The following SIGLEC7 variants were observed in gnomAD, a reference collection of about 807,000 sequenced individuals.
The protein encoded by SIGLEC7 is sialic acid binding Ig like lectin 7.
In SIGLEC7, 33 loss-of-function variants were observed where a neutral mutation model predicts 40.8. The ratio of observed to expected loss-of-function variants is 0.81; its 90% CI spans 0.61 to 1.08. The LOEUF is 1.08. Ranked by LOEUF, SIGLEC7 falls within the 50% of genes least tolerant of loss-of-function variation. SIGLEC7 has a pLI of 0.00. For missense variants in SIGLEC7, 513 were observed against 576.1 expected (o/e 0.89, Z 1.12); for synonymous variants, 242 against 237.6 (o/e 1.02, Z -0.17).
At chr19:51,148,183 TA>T (rs553491672) in intron 6 of SIGLEC7, among the ~76,000 whole-genome samples, 2 of 152,114 alleles carry the variant, frequency 1.3e-5, no homozygotes, top group East Asian at 3.8e-4. Flanking sequence ...GTGATAGTTT[TA>T]AAAAAAACTC....
intron 6 of SIGLEC7, among the ~76,000 whole-genome samples, chr19:51,151,936 C>A (rs1406307466): frequency 1.3e-5 from 2 of 152,194 alleles, no homozygotes; most frequent in Non-Finnish European, 2.9e-5. Context: ...GAGGACCCTC[C>A]CAGGCAGCCT....
In SIGLEC7 at chr19:51,144,980, TG is replaced by T. The variant is rs774924911; in HGVS notation, c.760+25del. 21 of 1,610,766 alleles carry T rather than the reference TG, an allele frequency of 1.3e-5. No homozygotes were observed. The South Asian group carries it at 2.0e-4, about 15-fold the overall frequency. ...CACAGGTAGGATGGAGCCCCCTCCCTGGGGCTGGGGGAGCAGGGCCTTCAGC... is the reference window on the plus strand; with the variant it reads ...CACAGGTAGGATGGAGCCCCCTCCCTGGGCTGGGGGAGCAGGGCCTTCAGC... On this transcript the variant is annotated intron_variant, in intron 3 of 6. Coordinates refer to ENST00000317643, the MANE Select transcript of SIGLEC7 (RefSeq NM_014385.4).
chr19:51,152,652 G>A (rs990926198), intron 6 of SIGLEC7, among the ~76,000 whole-genome samples: 2 of 152,072 alleles, frequency 1.3e-5, no homozygotes, highest in African/African-American at 4.8e-5. Context: ...AGGAGGTCAG[G>A]GCCAACACCT....
chr19:51,144,178 G>T lies in SIGLEC7; in HGVS notation c.434-228G>T. The T allele has an allele frequency of 9.3e-6, 7 of 754,932 alleles. No homozygotes were observed. The South Asian group carries it at 1.0e-4, about 11-fold the overall frequency. The allele number at this position is 754,932 out of a possible 1,614,324, so 46.8% of individuals were successfully genotyped here. A position where few individuals can be genotyped will look rare whatever the true frequency, so the allele number is the denominator to read the frequency against. On this transcript the variant is annotated intron_variant, in intron 1 of 6. Coordinates refer to ENST00000317643, the MANE Select transcript of SIGLEC7 (RefSeq NM_014385.4). The stretch of plus-strand genomic sequence containing the variant: ...GACAGATAAGATGGAATTACAAAAC[G>T]AAGCAGCTCTCTGTGAATGTGACAG...
intron 2 of SIGLEC7, 82 bp from the exon 3 acceptor site, chr19:51,144,830 C>A: frequency 6.3e-7 from 1 of 1,587,134 alleles, no homozygotes; most frequent in African/African-American, 1.3e-5. Flanking sequence ...TCCGCCTTCC[C>A]CATTTATGCA....
In SIGLEC7 at chr19:51,147,244, C is replaced by A. The variant is rs199869547; in HGVS notation, c.1148C>A (p.Ser383Ter). Residue 383 changes from serine (S) to a stop codon, truncating the protein, a stop_gained, in exon 6 of 7, where the codon TCG (serine) becomes TAG (stop). Transcript: ENST00000317643. LOFTEE classifies it high-confidence loss of function. Reference sequence around the variant, plus strand: ...AGAGTGAGGTCCTGCAGGAAGAAATCGGCAAGGCCAGCAGCGGACGTGGGA... The same window carrying A: ...AGAGTGAGGTCCTGCAGGAAGAAATAGGCAAGGCCAGCAGCGGACGTGGGA... ...FIVVRSCRKK[S>*]ARPAADVGDI... is the part of the protein sequence containing the mutation. The A allele has an allele frequency of 3.1e-6, 5 of 1,612,388 alleles. No homozygotes were observed. The highest frequency in any genetic ancestry group is 1.1e-5 in the South Asian group (1 of 91,046).
At position 51,153,306 on chromosome 19, in the gene SIGLEC7, G is replaced by C. The variant is rs2092157330; in HGVS notation, c.*61G>C. On this transcript the variant is annotated 3_prime_UTR_variant, in exon 7 of 7. Transcript: ENST00000317643. ...CGACCCCTCCAGCAAAGGAGTCTGA[G>C]GCTGATTCCAGTAGAATTAGCAGCC... 2 of 1,320,260 alleles carry C rather than the reference G, an allele frequency of 1.5e-6. No homozygotes were observed. The highest frequency in any genetic ancestry group is 2.0e-6 in the Non-Finnish European group (2 of 983,026). The allele number at this position is 1,320,260 out of a possible 1,614,324, so 81.8% of individuals were successfully genotyped here. A position where few individuals can be genotyped will look rare whatever the true frequency, so the allele number is the denominator to read the frequency against.
chr19:51,142,312 G>A lies in SIGLEC7; in HGVS notation c.-58G>A. On this transcript the variant is annotated 5_prime_UTR_variant, in exon 1 of 7. Transcript: ENST00000317643. This position sits in a 1 kb window ranked among gnomAD's most constrained non-coding sequence, Gnocchi z 5.0. ...TAAGTCTTGAGCCCGCAGTTCCTGA[G>A]AGAAGAACCCTGAGGAACAGACGTT... is the stretch of plus-strand genomic sequence containing the variant. 14 of 1,577,728 alleles carry A rather than the reference G, an allele frequency of 8.9e-6. No individual in the cohort carries two copies. Among genetic ancestry groups the A allele is most frequent in the Non-Finnish European group, 1.2e-5 (14 of 1,161,830 alleles).
At chr19:51,149,644 G>T (rs1044159323) in intron 6 of SIGLEC7, among the ~76,000 whole-genome samples, 8 of 151,968 alleles carry the variant, frequency 5.3e-5, no homozygotes, top group African/African-American at 1.7e-4. Context: ...GCACTTTTTT[G>T]GTTTCATATG....
chr19:51,145,926 G>T lies in SIGLEC7; in HGVS notation c.832G>T (p.Val278Phe), dbSNP rs754779201. 3 of 1,614,216 alleles carry T rather than the reference G, an allele frequency of 1.9e-6. No homozygotes were observed. In the African/African-American group the frequency reaches 4.0e-5, roughly 22 times the overall value. Residue 278 changes from valine to phenylalanine, a missense_variant, in exon 4 of 7, where the codon GTT becomes TTT. Physicochemically the swap from Val to Phe is conservative, Grantham distance 50 (BLOSUM62 -1). Transcript: ENST00000317643. The surrounding 1 kb of genome is among the most constrained non-coding windows in gnomAD (Gnocchi z 4.3). Reference protein sequence around the residue: ...EGQSLRLVCAVDSNPPARLSW... With the variant: ...EGQSLRLVCAFDSNPPARLSW... ...CCAGTCTCTGCGCTTGGTCTGTGCT[G>T]TTGACAGCAATCCCCCTGCCAGGCT... is the stretch of plus-strand genomic sequence containing the variant.
chr19:51,147,080 T>A, intron 5 of SIGLEC7, 141 bp from the exon 6 acceptor site: 7 of 1,307,480 alleles, frequency 5.4e-6, no homozygotes, highest in Non-Finnish European at 7.4e-6. Context: ...TTTTCAACAC[T>A]GGGGTCTCTG....
rs2092157893 is a variant in SIGLEC7, at chr19:51,153,402, A to G, written c.*157A>G. ...ACTGAAAATGCATGCCTGATGACCA[A>G]ACTCTCCCTTTCCCCATCCAATCGG... On this transcript the variant is annotated 3_prime_UTR_variant, in exon 7 of 7. Coordinates refer to ENST00000317643, the MANE Select transcript of SIGLEC7 (RefSeq NM_014385.4). 2 of 528,736 alleles carry G rather than the reference A, an allele frequency of 3.8e-6. No individual in the cohort carries two copies. The highest frequency in any genetic ancestry group is 9.4e-5 in the South Asian group (2 of 21,260). 32.8% of individuals were successfully genotyped at this position (528,736 alleles called of 1,614,324 possible).
At chr19:51,147,114 C>G in intron 5 of SIGLEC7, 107 bp from the exon 6 acceptor site, 1 of 1,533,252 alleles carries the variant, frequency 6.5e-7, no homozygotes, top group Non-Finnish European at 8.9e-7. Flanking sequence ...CTCCTCCCAC[C>G]TCAGTTACCC....
chr19:51,145,028 C>T lies in SIGLEC7; in HGVS notation c.760+69C>T. The T allele has an allele frequency of 6.8e-7, 1 of 1,467,396 alleles. No homozygotes were observed. Among genetic ancestry groups the T allele is most frequent in the Non-Finnish European group, 9.6e-7 (1 of 1,047,062 alleles). The allele number at this position is 1,467,396 out of a possible 1,614,324, so 90.9% of individuals were successfully genotyped here. The stretch of plus-strand genomic sequence containing the variant: ...CAGCTCAGGGCAGGGCCAGGTCCCT[C>T]CTCATCCTGGACTCACCCTGGTGAT... On this transcript the variant is annotated intron_variant, in intron 3 of 6. Coordinates refer to ENST00000317643, the MANE Select transcript of SIGLEC7 (RefSeq NM_014385.4). The surrounding 1 kb of genome is among the most constrained non-coding windows in gnomAD (Gnocchi z 4.3).
chr19:51,150,766 A>G (rs1385271373), intron 6 of SIGLEC7, among the ~76,000 whole-genome samples: 1 of 152,134 alleles, frequency 6.6e-6, no homozygotes, highest in Non-Finnish European at 1.5e-5. Context: ...CAGAGGGAGG[A>G]GCAAAGCAAG....
chr19:51,145,261 G>A lies in SIGLEC7; in HGVS notation c.760+302G>A, dbSNP rs114443557. 4.6e-3 allele frequency among the ~76,000 whole-genome samples: 696 copies of A among 152,280 alleles called. 7 individuals are homozygous for A. Among genetic ancestry groups the A allele is most frequent in the African/African-American group, 0.013 (528 of 41,546 alleles). On this transcript the variant is annotated intron_variant, in intron 3 of 6. Transcript: ENST00000317643. This position sits in a 1 kb window ranked among gnomAD's most constrained non-coding sequence, Gnocchi z 4.3. Reference sequence around the variant, plus strand: ...ATCTCCTGAATATGCCACCTAACTCGTCTTTTTATTTTACCCAATAGTTTT... The same window carrying A: ...ATCTCCTGAATATGCCACCTAACTCATCTTTTTATTTTACCCAATAGTTTT...
intron 6 of SIGLEC7, among the ~76,000 whole-genome samples, chr19:51,152,270 A>G (rs2092148826): frequency 6.6e-6 from 1 of 151,562 alleles, no homozygotes; most frequent in African/African-American, 2.4e-5. Context: ...ACTTGTAAGG[A>G]CTCCTGTCAT....
At chr19:51,149,846 T>C (rs978463392) in intron 6 of SIGLEC7, among the ~76,000 whole-genome samples, 1 of 152,218 alleles carries the variant, frequency 6.6e-6, no homozygotes, top group African/African-American at 2.4e-5. Context: ...GTAATTCTCA[T>C]TGTAGAGTTC....
In SIGLEC7 at chr19:51,142,531, C is replaced by T. The variant is rs2092075051; in HGVS notation, c.162C>T (p.Ser54=). The stretch of plus-strand genomic sequence containing the variant: ...GCTCCTTCTCCTACCCAGTGGACAG[C>T]CAGACTGACTCTGACCCAGTTCATG... ...VRCSFSYPVD[S]QTDSDPVHGY... is the part of the protein sequence containing the mutation. Residue 54 remains serine (S), a synonymous_variant, in exon 1 of 7, where the codon AGC becomes AGT. Transcript: ENST00000317643. The surrounding 1 kb of genome is among the most constrained non-coding windows in gnomAD (Gnocchi z 5.0). 1.9e-6 allele frequency: 3 copies of T among 1,614,032 alleles called. No homozygotes were observed. The highest frequency in any genetic ancestry group is 1.3e-5 in the African/African-American group (1 of 74,904).
Sources: gnomAD v4.1 joint callset for allele counts (sites outside exome capture counted in the v4.1 genomes callset) on GRCh38, gnomAD v4.1.1 for gene constraint, Gnocchi (gnomAD v3.1) non-coding constraint, MANE v1.5 for transcripts, NCBI Gene and HGNC (gene_info 2026-07-23, HGNC 2026-07-21) for gene names.